HPS4: variants seen among roughly 807,000 people sequenced by gnomAD.
HPS4 encodes BLOC-3 complex member HPS4.
Under a neutral mutation model 70.3 loss-of-function variants are expected in HPS4, and 44 were observed. The observed-to-expected ratio is 0.63, with a 90% CI of 0.49 to 0.80. HPS4 has a LOEUF of 0.80. Among genes scored for constraint, HPS4 ranks in the 30% least tolerant of loss-of-function variants. The pLI, the probability that HPS4 is intolerant of heterozygous loss-of-function variation, is 0.00. For synonymous variants in HPS4, 377 were observed against 355.9 expected (o/e 1.06, Z -0.67); for missense variants, 873 against 884.4 (o/e 0.99, Z 0.16).
chr22:26,458,197 G>A (rs930822211), intron 12 of HPS4, among the ~76,000 whole-genome samples: 1 of 152,232 alleles, frequency 6.6e-6, no homozygotes, highest in Non-Finnish European at 1.5e-5. Flanking sequence ...CCCTATCACA[G>A]ATATGTGAAC....
At chr22:26,466,308 C>T in intron 8 of HPS4, 46 bp from the exon 9 acceptor site, 1 of 1,604,010 alleles carries the variant, frequency 6.2e-7, no homozygotes, top group Non-Finnish European at 8.5e-7. Context: ...ACCACATTCT[C>T]CTCTTGACCT....
Position 26,464,615 on chromosome 22 carries a change from C to G in HPS4, c.1015G>C (p.Ala339Pro). 6.2e-7 allele frequency: 1 copy of G among 1,614,174 alleles called. No individual in the cohort carries two copies. ...SGHDLESIRP[A>P]GLHNSARGEV... ...CCCCTGGCAGAGTTGTGCAGTCCTG[C>G]GGGCCTGATGCTCTCCAGATCATGG... is the stretch of plus-strand genomic sequence containing the variant. Residue 339 changes from alanine to proline, a missense_variant, in exon 11 of 14, where the codon GCA (alanine) becomes CCA (proline). Coordinates refer to ENST00000398145, the MANE Select transcript of HPS4 (RefSeq NM_022081.6).
chr22:26,443,364 C>T, downstream of HPS4: 1 of 609,916 alleles, frequency 1.6e-6, no homozygotes, highest in Non-Finnish European at 2.9e-6. Context: ...GTCCCTCTTT[C>T]CCTTGGTTAT....
chr22:26,446,644 A>G (rs1452703849), downstream of HPS4, among the ~76,000 whole-genome samples: 1 of 152,202 alleles, frequency 6.6e-6, no homozygotes, highest in Non-Finnish European at 1.5e-5. Context: ...GAAACCATTC[A>G]GCCTGGACAT....
intron 13 of HPS4, among the ~76,000 whole-genome samples, chr22:26,454,758 G>A (rs1443593962): frequency 6.6e-6 from 1 of 152,186 alleles, no homozygotes; most frequent in Non-Finnish European, 1.5e-5. Flanking sequence ...AAGAGCTTCT[G>A]CACAGCAAAA....
intron 11 of HPS4, 84 bp downstream of exon 11, chr22:26,463,833 T>C (rs2087837027): frequency 3.5e-6 from 5 of 1,419,336 alleles, no homozygotes; most frequent in East Asian, 2.3e-5. Context: ...ATCTCTTCCC[T>C]GGGTGTTGGC....
chr22:26,472,263 T>C (rs775576622), intron 6 of HPS4, 39 bp downstream of exon 6: 1 of 1,181,894 alleles, frequency 8.5e-7, no homozygotes, highest in South Asian at 1.2e-5. Context: ...GAAGCCCTAG[T>C]CTTACATATA....
chr22:26,458,150 C>T (rs537706491), intron 12 of HPS4, among the ~76,000 whole-genome samples, 183 bp from the exon 13 acceptor site: 2 of 152,362 alleles, frequency 1.3e-5, no homozygotes, highest in East Asian at 1.9e-4. Flanking sequence ...ATGCAGCACC[C>T]GGTTTCTGCG....
intron 13 of HPS4, among the ~76,000 whole-genome samples, chr22:26,456,823 G>A (rs941866450): frequency 6.6e-6 from 1 of 152,096 alleles, no homozygotes; most frequent in Non-Finnish European, 1.5e-5. Flanking sequence ...TTTATAAAGT[G>A]ATCTTTAAAG....
Position 26,473,868 on chromosome 22 carries a change from T to C in HPS4, c.277-929A>G, listed in dbSNP as rs112392919. Among the ~76,000 whole-genome samples, 1,390 of 152,346 alleles carry C rather than the reference T, an allele frequency of 9.1e-3. 24 individuals are homozygous for C. The highest frequency in any genetic ancestry group is 0.032 in the African/African-American group (1,330 of 41,564). ...AATCTGTCCTAAGGGAATCATCAGA[T>C]ATTTAAACTAATAAACCCTGACAGA... On this transcript the variant is annotated intron_variant, in intron 4 of 13. Coordinates refer to ENST00000398145, the MANE Select transcript of HPS4 (RefSeq NM_022081.6).
intron 12 of HPS4, among the ~76,000 whole-genome samples, chr22:26,458,228 T>G (rs1439816641): frequency 2.0e-5 from 3 of 152,224 alleles, no homozygotes; most frequent in Non-Finnish European, 4.4e-5. Context: ...CTCAAAACAC[T>G]GGGAAACGCC....
At chr22:26,464,899 A>C in intron 10 of HPS4, 73 bp from the exon 11 acceptor site, 1 of 1,404,180 alleles carries the variant, frequency 7.1e-7, no homozygotes, top group East Asian at 2.3e-5. Flanking sequence ...CACAGTGAAG[A>C]CTAAAGCACA....
At position 26,457,899 on chromosome 22, in the gene HPS4, C is replaced by T. The variant is rs1305089281; in HGVS notation, c.1915G>A (p.Glu639Lys). ...FLQAVSLMHS[E>K]FAQLPALYEM... Reference sequence around the variant, plus strand: ...TAAAGCGCGGGCAGCTGGGCAAATTCGCTATGCATCAGGCTGACGGCCTGG... The same window carrying T: ...TAAAGCGCGGGCAGCTGGGCAAATTTGCTATGCATCAGGCTGACGGCCTGG... Residue 639 changes from glutamate to lysine, a missense_variant, in exon 13 of 14, where the codon GAA (glutamate) becomes AAA (lysine). By Grantham distance (56) the Glu-to-Lys change is moderately conservative (BLOSUM62 1). Transcript: ENST00000398145. 3 of 1,614,210 alleles carry T rather than the reference C, an allele frequency of 1.9e-6. No homozygotes were observed. The highest frequency in any genetic ancestry group is 2.5e-6 in the Non-Finnish European group (3 of 1,180,038).
At chr22:26,480,642 C>A (rs1289721864) in intron 2 of HPS4, among the ~76,000 whole-genome samples, 1 of 152,078 alleles carries the variant, frequency 6.6e-6, no homozygotes, top group Non-Finnish European at 1.5e-5. Flanking sequence ...CTTGGCTGGG[C>A]ACAGTGGCTC....
intron 11 of HPS4, among the ~76,000 whole-genome samples, chr22:26,463,526 C>T (rs963570171): frequency 1.3e-5 from 2 of 152,214 alleles, no homozygotes; most frequent in African/African-American, 2.4e-5. Flanking sequence ...ACCATCCCTA[C>T]GTGACTGAGG....
rs2147038184 is a variant in HPS4 at position 26,481,714 on chromosome 22, T to C, written c.41+8A>G. 1 of 1,613,998 alleles carries C rather than the reference T, an allele frequency of 6.2e-7. No individual in the cohort carries two copies. Among genetic ancestry groups the C allele is most frequent in the Non-Finnish European group, 8.5e-7 (1 of 1,179,792 alleles). Reference sequence around the variant, plus strand: ...AAAAGCTATGCCATGGCAGGCCTTGTTACTCACCACGAGGCTGACTTTGCC... The same window carrying C: ...AAAAGCTATGCCATGGCAGGCCTTGCTACTCACCACGAGGCTGACTTTGCC... On this transcript the variant is annotated splice_region_variant and intron_variant, in intron 2 of 13. Coordinates refer to ENST00000398145, the MANE Select transcript of HPS4 (RefSeq NM_022081.6).
chr22:26,451,143 G>T lies in HPS4; in HGVS notation c.*2090C>A, dbSNP rs2085155984. On this transcript the variant is annotated 3_prime_UTR_variant, in exon 14 of 14. Transcript: ENST00000398145. The stretch of plus-strand genomic sequence containing the variant: ...CTGTCCTGCACACTGCCTTCCCTTG[G>T]GAAACATGGCCATAAGAGGTTGTGG... Among the ~76,000 whole-genome samples the T allele has an allele frequency of 6.6e-6, 1 of 152,162 alleles. No homozygotes were observed. The highest frequency in any genetic ancestry group is 1.5e-5 in the Non-Finnish European group (1 of 68,026).
At chr22:26,470,536 C>T (rs1002775557) in intron 7 of HPS4, among the ~76,000 whole-genome samples, 183 bp downstream of exon 7, 1 of 152,210 alleles carries the variant, frequency 6.6e-6, no homozygotes, top group African/African-American at 2.4e-5. Flanking sequence ...CTCAGCTTTG[C>T]TCAAAGACAG....
Position 26,472,902 on chromosome 22 carries a change from C to G in HPS4, c.314G>C (p.Cys105Ser). Residue 105 changes from cysteine (C) to serine (S), a missense_variant, in exon 5 of 14, where the codon TGC (cysteine) becomes TCC (serine). Transcript: ENST00000398145. ...AACTAGCTGATCCAGAAACCGCTTG[C>G]AGCTGACATCAGGGAGCTCCACAGC... ...GCAVELPDVS[C>S]KRFLDQLVGF... The G allele has an allele frequency of 6.2e-7, 1 of 1,614,212 alleles. No individual in the cohort carries two copies. Among genetic ancestry groups the G allele is most frequent in the Non-Finnish European group, 8.5e-7 (1 of 1,180,024 alleles).
Sources: allele counts gnomAD v4.1 joint callset (sites outside exome capture counted in the v4.1 genomes callset), GRCh38; gene constraint gnomAD v4.1.1; transcripts MANE v1.5; gene names NCBI Gene and HGNC (gene_info 2026-07-23, HGNC 2026-07-21).